DNAH2: variants seen among roughly 807,000 people sequenced by gnomAD.
The protein encoded by DNAH2 is dynein axonemal heavy chain 2, also known as axonemal beta dynein heavy chain 2.
DNAH2 carries 323 observed loss-of-function variants against 523.5 expected under a neutral mutation model. The ratio of observed to expected loss-of-function variants is 0.62; its 90% CI spans 0.56 to 0.68. The LOEUF is 0.68. Ranked by LOEUF, DNAH2 falls within the 30% of genes least tolerant of loss-of-function variation. The probability of loss-of-function intolerance (pLI) is 0.00; values close to 1 mark genes in which losing one functional copy is unlikely to be tolerated. For synonymous variants in DNAH2, 2,093 were observed against 2,177.4 expected (o/e 0.96, Z 1.08); for missense variants, 4,907 against 5,701.5 (o/e 0.86, Z 4.49).
Position 7,799,111 on chromosome 17 carries a change from G to A in DNAH2, c.8568G>A (p.Ser2856=), listed in dbSNP as rs149452093. The change falls in exon 56 of 86, where the codon TCG becomes TCA. Residue 2856 remains serine, a synonymous_variant. Transcript: ENST00000572933. The part of the protein sequence containing the change: ...YKPDEFEEIQ[S]HIIDQARVEQ... ...GGGTGGCTTCTGTCCAGATCCAGTC[G>A]CATATCATAGACCAGGCCCGGGTGG... The A allele has an allele frequency of 1.7e-5, 28 of 1,613,988 alleles. No individual in the cohort carries two copies. The highest frequency in any genetic ancestry group is 2.1e-5 in the Non-Finnish European group (25 of 1,180,040).
chr17:7,741,899 G>T (rs957560763), intron 11 of DNAH2, among the ~76,000 whole-genome samples: 1 of 140,094 alleles, frequency 7.1e-6, no homozygotes, highest in African/African-American at 2.7e-5. Flanking sequence ...CCGACCTCAG[G>T]TGATCCACCC....
intron 72 of DNAH2, among the ~76,000 whole-genome samples, chr17:7,820,956 T>C (rs2077835057): frequency 6.6e-6 from 1 of 152,122 alleles, no homozygotes; most frequent in Non-Finnish European, 1.5e-5. Flanking sequence ...GGAGAATCGC[T>C]TGAACCTGGG....
chr17:7,743,518 T>G, intron 12 of DNAH2: 1 of 613,422 alleles, frequency 1.6e-6, no homozygotes. Context: ...ATACAAAGAT[T>G]AGCTGGGCGT....
chr17:7,779,641 G>A (rs1172605863), intron 36 of DNAH2, among the ~76,000 whole-genome samples: 1 of 152,202 alleles, frequency 6.6e-6, no homozygotes, highest in Non-Finnish European at 1.5e-5. Flanking sequence ...AACCACTTAT[G>A]TGTGTATATG....
At chr17:7,823,730 T>C (rs2151335662) in intron 74 of DNAH2, 102 bp downstream of exon 74, 4 of 1,577,980 alleles carry the variant, frequency 2.5e-6, no homozygotes, top group Non-Finnish European at 3.5e-6. Context: ...AGCTGGTGCC[T>C]GCCTCCTGGC....
chr17:7,818,148 C>G, intron 68 of DNAH2, 52 bp downstream of exon 68: 2 of 1,606,270 alleles, frequency 1.2e-6, no homozygotes, highest in Non-Finnish European at 1.7e-6. Flanking sequence ...GAGGGAAGGG[C>G]TGGCTCTCTG....
In DNAH2 at chr17:7,779,413, C is replaced by T. The variant is rs2076544122; in HGVS notation, c.5712C>T (p.Thr1904=). Residue 1904 remains threonine (T), a synonymous_variant, in exon 36 of 86, where the codon ACC becomes ACT. Transcript: ENST00000572933. Reference sequence around the variant, plus strand: ...TGTGGTCCTGTGGGATCTTCATTACCATGAATCCTGGTAGGTGGCAGGGAG... The same window carrying T: ...TGTGGTCCTGTGGGATCTTCATTACTATGAATCCTGGTAGGTGGCAGGGAG... ...NLVWSCGIFI[T]MNPGYAGRTE... is the part of the protein sequence containing the mutation. 1.2e-6 allele frequency: 2 copies of T among 1,613,564 alleles called. No individual in the cohort carries two copies. Among genetic ancestry groups the T allele is most frequent in the East Asian group, 4.5e-5 (2 of 44,886 alleles).
chr17:7,770,517 G>T, intron 25 of DNAH2, 40 bp from the exon 26 acceptor site: 1 of 1,613,400 alleles, frequency 6.2e-7, no homozygotes, highest in Non-Finnish European at 8.5e-7. Flanking sequence ...CCTTAGTGAA[G>T]AGATACCTGA....
Position 7,787,208 on chromosome 17 carries a change from C to T in DNAH2, c.6603+175C>T. On this transcript the variant is annotated intron_variant, in intron 42 of 85. Coordinates refer to ENST00000572933, the MANE Select transcript of DNAH2 (RefSeq NM_020877.5). ...CAGCTGAAGAAAAATGCTTTGCTTG[C>T]CGCGGCTGTTGAGAACAATGATAAG... 3 of 813,740 alleles carry T rather than the reference C, an allele frequency of 3.7e-6. No individual in the cohort carries two copies. The South Asian group carries it at 5.5e-5, about 15-fold the overall frequency. The allele number at this position is 813,740 out of a possible 1,614,324, so 50.4% of individuals were successfully genotyped here.
chr17:7,723,202 C>T (rs56371237), intron 2 of DNAH2, among the ~76,000 whole-genome samples: 5,424 of 149,454 alleles, frequency 0.036, 293 homozygotes, highest in African/African-American at 0.11. Context: ...GATCTCCTGA[C>T]CTCATGATCC....
rs746571918 is a variant in DNAH2 at position 7,824,493 on chromosome 17, G to A, written c.11663-44G>A. On this transcript the variant is annotated intron_variant, in intron 76 of 85. Coordinates refer to ENST00000572933, the MANE Select transcript of DNAH2 (RefSeq NM_020877.5). ...CAGGTGGAAAGCATGAGGACAGGCAGGGCTTAGGAAATGATTCCCACTGAC... is the reference window on the plus strand; with the variant it reads ...CAGGTGGAAAGCATGAGGACAGGCAAGGCTTAGGAAATGATTCCCACTGAC... 7.4e-6 allele frequency: 11 copies of A among 1,484,784 alleles called. No homozygotes were observed. In the East Asian group the frequency reaches 2.2e-4, roughly 30 times the overall value. The allele number at this position is 1,484,784 out of a possible 1,614,324, so 92.0% of individuals were successfully genotyped here.
intron 18 of DNAH2, among the ~76,000 whole-genome samples, chr17:7,763,559 G>A (rs1488225920): frequency 7.9e-5 from 12 of 152,224 alleles, no homozygotes; most frequent in South Asian, 4.1e-4. Flanking sequence ...GATTACAGGC[G>A]TGAGCCATCG....
Position 7,804,325 on chromosome 17 carries a change from C to G in DNAH2, c.9042C>G (p.Ile3014Met), listed in dbSNP as rs528011160. ...ANKLRTGLFK[I>M]DETREKVQVM... ...AACTGCGGACAGGCTTGTTCAAGAT[C>G]GACGAAACTAGGGAAAAGGTGCAAG... Residue 3014 changes from isoleucine (I) to methionine (M), a missense_variant, in exon 59 of 86, where the codon ATC becomes ATG. Physicochemically the swap from Ile to Met is conservative, Grantham distance 10 (BLOSUM62 1). Transcript: ENST00000572933. 1.2e-6 allele frequency: 2 copies of G among 1,614,134 alleles called. No homozygotes were observed. The highest frequency in any genetic ancestry group is 2.2e-5 in the East Asian group (1 of 44,878).
At chr17:7,816,199 C>T (rs920197553) in intron 63 of DNAH2, among the ~76,000 whole-genome samples, 4 of 152,146 alleles carry the variant, frequency 2.6e-5, no homozygotes, top group Admixed American at 2.0e-4. Flanking sequence ...TGGCCTCTGG[C>T]ATGGAGTGGC....
At chr17:7,769,855 T>G (rs2076268229) in intron 24 of DNAH2, among the ~76,000 whole-genome samples, 1 of 152,210 alleles carries the variant, frequency 6.6e-6, no homozygotes, top group South Asian at 2.1e-4. Context: ...CCTAACCACT[T>G]TATTTGCTTA....
Position 7,823,688 on chromosome 17 carries a change from G to A in DNAH2, c.11329+60G>A, listed in dbSNP as rs879187124. On this transcript the variant is annotated intron_variant, in intron 74 of 85. Coordinates refer to ENST00000572933, the MANE Select transcript of DNAH2 (RefSeq NM_020877.5). ...CCTTCCCTCCATTCAGCCACATGCCGGCCCTTCCCATTGTCCTCCATCCCC... is the reference window on the plus strand; with the variant it reads ...CCTTCCCTCCATTCAGCCACATGCCAGCCCTTCCCATTGTCCTCCATCCCC... The A allele has an allele frequency of 3.1e-5, 50 of 1,591,074 alleles. 1 individual carries two copies. The South Asian group carries it at 3.4e-4, about 11-fold the overall frequency.
intron 12 of DNAH2, among the ~76,000 whole-genome samples, chr17:7,752,507 G>A (rs1451379191): frequency 2.0e-5 from 3 of 152,126 alleles, no homozygotes; most frequent in East Asian, 1.9e-4. Flanking sequence ...TCAGGAGATC[G>A]AGACCATCCT....
rs557051250 is a variant in DNAH2, at chr17:7,793,447, TTTTCTTTCTTTC to T, written c.7569+301_7569+312del. ...GCCTGCTTGCTTTTTCTTTCTTTCTTTTTCTTTCTTTCTTTCTTTCTTTCTTTCTTTCTTTCT... is the reference window on the plus strand; with the variant it reads ...GCCTGCTTGCTTTTTCTTTCTTTCTTTTTCTTTCTTTCTTTCTTTCTTTCT... On this transcript the variant is annotated intron_variant, in intron 48 of 85. Coordinates refer to ENST00000572933, the MANE Select transcript of DNAH2 (RefSeq NM_020877.5). Among the ~76,000 whole-genome samples the T allele has an allele frequency of 5.6e-3, 544 of 96,456 alleles. 4 individuals are homozygous for T. The highest frequency in any genetic ancestry group is 0.017 in the African/African-American group (467 of 28,116). The allele number at this position is 96,456 out of a possible 152,430, so 63.3% of individuals were successfully genotyped here.
rs370864741 is a variant in DNAH2 at position 7,831,644 on chromosome 17, C to T, written c.12612-17C>T. 9.5e-5 allele frequency: 153 copies of T among 1,613,424 alleles called. No individual in the cohort carries two copies. Among genetic ancestry groups the T allele is most frequent in the Non-Finnish European group, 1.2e-4 (146 of 1,179,548 alleles). On this transcript the variant is annotated splice_polypyrimidine_tract_variant and intron_variant, in intron 81 of 85. Coordinates refer to ENST00000572933, the MANE Select transcript of DNAH2 (RefSeq NM_020877.5). This position sits in a 1 kb window ranked among gnomAD's most constrained non-coding sequence, Gnocchi z 4.2. The stretch of plus-strand genomic sequence containing the variant: ...CAGGCCCACCTCATCTCTAACACTC[C>T]ACCTCATCCTGCTCAGGTTCTCACT...
Sources: allele counts gnomAD v4.1 joint callset (sites outside exome capture counted in the v4.1 genomes callset), GRCh38; gene constraint gnomAD v4.1.1; non-coding constraint Gnocchi (gnomAD v3.1); transcripts MANE v1.5; gene names NCBI Gene and HGNC (gene_info 2026-07-23, HGNC 2026-07-21).